Variants in DLGAP4 observed in about 807,000 individuals in gnomAD.
DLGAP4 encodes disks large-associated protein 4.
In DLGAP4, 18 loss-of-function variants were observed where a neutral mutation model predicts 86.9. That is an observed-to-expected ratio of 0.21 (90% confidence interval 0.14 to 0.31). DLGAP4 has a LOEUF of 0.31. Ranked by LOEUF, DLGAP4 falls within the 10% of genes least tolerant of loss-of-function variation. The pLI is 1.00. For synonymous variants in DLGAP4, 548 were observed against 574.3 expected, an observed-to-expected ratio of 0.95 and a Z score of 0.65; for missense variants, 1,085 against 1,362.6, an observed-to-expected ratio of 0.80 and a Z score of 3.21.
chr20:36,501,621 C>T (rs1448294009), intron 10 of DLGAP4, among the ~76,000 whole-genome samples: 1 of 152,044 alleles, frequency 6.6e-6, no homozygotes, highest in Non-Finnish European at 1.5e-5. Context: ...TGACCTGCAC[C>T]CACCTGGTTC....
intron 1 of DLGAP4, among the ~76,000 whole-genome samples, chr20:36,352,585 A>G (rs1485908051): frequency 6.6e-6 from 1 of 152,160 alleles, no homozygotes; most frequent in Admixed American, 6.5e-5. Flanking sequence ...GTCCCGAGAA[A>G]AAGAAACTAG....
chr20:36,376,716 G>A (rs2031168665), intron 2 of DLGAP4, among the ~76,000 whole-genome samples: 1 of 152,134 alleles, frequency 6.6e-6, no homozygotes, highest in Non-Finnish European at 1.5e-5. Flanking sequence ...GTCCCCAGGT[G>A]GAGCCCGCAG....
At chr20:36,388,177 A>G (rs2031664535) in intron 2 of DLGAP4, among the ~76,000 whole-genome samples, 1 of 152,184 alleles carries the variant, frequency 6.6e-6, no homozygotes, top group African/African-American at 2.4e-5. Flanking sequence ...TGGTAGGACA[A>G]GCCTCCCCGT....
intron 2 of DLGAP4, among the ~76,000 whole-genome samples, chr20:36,368,111 C>T (rs1035090286): frequency 2.0e-5 from 3 of 152,214 alleles, no homozygotes; most frequent in Non-Finnish European, 4.4e-5. Context: ...GCCTGGCATA[C>T]AGTGGGTACC....
intron 1 of DLGAP4, among the ~76,000 whole-genome samples, chr20:36,345,051 A>G (rs2029894449): frequency 6.6e-6 from 1 of 152,132 alleles, no homozygotes. Flanking sequence ...ACTAAATTTG[A>G]AGGGACCTAA....
chr20:36,507,311 T>C (rs1191986472), intron 10 of DLGAP4, among the ~76,000 whole-genome samples: 1 of 151,770 alleles, frequency 6.6e-6, no homozygotes, highest in East Asian at 2.0e-4. Flanking sequence ...CACCACAACC[T>C]CCGCCTCCTG....
chr20:36,317,223 T>TTTCTTTCTTTCTTTC (rs2065109374), intron 1 of DLGAP4, among the ~76,000 whole-genome samples: 3 of 93,716 alleles, frequency 3.2e-5, no homozygotes, highest in African/African-American at 1.2e-4. Context: ...TCCTCTCCTT[T>TTTCTTTCTTTCTTTC]TTTCTTTCTT....
intron 10 of DLGAP4, among the ~76,000 whole-genome samples, chr20:36,522,017 G>A (rs1357075494): frequency 6.6e-6 from 1 of 152,116 alleles, no homozygotes; most frequent in East Asian, 1.9e-4. Flanking sequence ...CGTGGGATGG[G>A]TGCCTGGAAG....
intron 1 of DLGAP4, 147 bp from the exon 2 acceptor site, chr20:36,366,898 A>G (rs1323103138): frequency 6.6e-6 from 1 of 152,132 alleles, no homozygotes; most frequent in African/African-American, 2.4e-5. Context: ...TGCTCTGGAA[A>G]ATGTAGTGTT....
At chr20:36,403,196 G>A (rs963248013) in intron 2 of DLGAP4, among the ~76,000 whole-genome samples, 1 of 152,210 alleles carries the variant, frequency 6.6e-6, no homozygotes, top group African/African-American at 2.4e-5. Flanking sequence ...TCCAAGTCAA[G>A]GTGCTGGCAT....
chr20:36,482,257 A>C (rs1199724636), intron 7 of DLGAP4, among the ~76,000 whole-genome samples: 2 of 152,198 alleles, frequency 1.3e-5, no homozygotes, highest in African/African-American at 4.8e-5. Flanking sequence ...ATGGTGAAAG[A>C]GGCCAGCAAT....
In DLGAP4 at chr20:36,370,845, T is replaced by A. The variant is rs112896654; in HGVS notation, c.-73+3570T>A. ...TAAATAAATAAATAACATTAAAAAA[T>A]TTTTAAAGGTAAAAAACGCCATCCA... On this transcript the variant is annotated intron_variant, in intron 2 of 12. Transcript: ENST00000339266. Among the ~76,000 whole-genome samples the A allele has an allele frequency of 7.1e-4, 108 of 152,204 alleles. 1 individual carries two copies. The highest frequency in any genetic ancestry group is 1.2e-3 in the Non-Finnish European group (80 of 68,010).
chr20:36,418,015 C>G (rs1259511127), intron 2 of DLGAP4, among the ~76,000 whole-genome samples: 1 of 147,160 alleles, frequency 6.8e-6, no homozygotes, highest in Admixed American at 6.8e-5. Flanking sequence ...AAACTCCTGA[C>G]CTTAGGTGAT....
intron 11 of DLGAP4, 98 bp downstream of exon 11, chr20:36,524,439 A>C: frequency 1.0e-6 from 1 of 993,550 alleles, no homozygotes; most frequent in Non-Finnish European, 1.5e-6. Context: ...CTCCTCTGTA[A>C]CACACACAGC....
chr20:36,306,821 C>T lies in DLGAP4; in HGVS notation c.-304+309C>T, dbSNP rs1259166095. ...CCCTGTCCGGGACCGGATCCCCATT[C>T]CGGCTCTTTTTCCCGCGGACTCCCC... On this transcript the variant is annotated intron_variant, in intron 1 of 12. Transcript: ENST00000339266. The surrounding 1 kb of genome is among the most constrained non-coding windows in gnomAD (Gnocchi z 4.9). Among the ~76,000 whole-genome samples, 2 of 152,190 alleles carry T rather than the reference C, an allele frequency of 1.3e-5. No homozygotes were observed. Among genetic ancestry groups the T allele is most frequent in the Non-Finnish European group, 2.9e-5 (2 of 68,022 alleles).
intron 1 of DLGAP4, among the ~76,000 whole-genome samples, chr20:36,310,809 T>C (rs2065046936): frequency 6.6e-6 from 1 of 152,048 alleles, no homozygotes; most frequent in South Asian, 2.1e-4. Flanking sequence ...GATGACCCTG[T>C]TGGTTAAGGG....
intron 2 of DLGAP4, among the ~76,000 whole-genome samples, chr20:36,382,732 G>T (rs1046916687): frequency 5.9e-5 from 9 of 151,836 alleles, no homozygotes; most frequent in Non-Finnish European, 1.3e-4. Flanking sequence ...GTTTCACCAT[G>T]TTGGTCAGGC....
rs146158063 is a variant in DLGAP4, at chr20:36,429,771, T to C, written c.-72-1875T>C. ...CCTATCCAGATAATTCATGATAGTC[T>C]CCCCATCTCAAGATCCTTAATCACA... On this transcript the variant is annotated intron_variant, in intron 2 of 12. Coordinates refer to ENST00000339266, the MANE Select transcript of DLGAP4 (RefSeq NM_001365621.2). 5.0e-3 allele frequency among the ~76,000 whole-genome samples: 762 copies of C among 152,286 alleles called. 9 individuals carry two copies. Among genetic ancestry groups the C allele is most frequent in the African/African-American group, 0.018 (739 of 41,562 alleles).
chr20:36,353,679 C>T (rs1555893614), intron 1 of DLGAP4, among the ~76,000 whole-genome samples: 1 of 152,212 alleles, frequency 6.6e-6, no homozygotes, highest in Non-Finnish European at 1.5e-5. Context: ...AGCTGGGGCT[C>T]CAACCTGTGT....
Sources: allele counts gnomAD v4.1 joint callset (sites outside exome capture counted in the v4.1 genomes callset), GRCh38; gene constraint gnomAD v4.1.1; non-coding constraint Gnocchi (gnomAD v3.1); transcripts MANE v1.5; gene names NCBI Gene and HGNC (gene_info 2026-07-23, HGNC 2026-07-21).